Variants in DCC observed in about 807,000 individuals in gnomAD.
DCC encodes the protein DCC netrin 1 receptor, also known as netrin receptor DCC.
In DCC, 58 loss-of-function variants were observed where a neutral mutation model predicts 172.5. That is an observed-to-expected ratio of 0.34 (90% confidence interval 0.27 to 0.42). DCC has a LOEUF of 0.42. DCC is among the 10% of genes least tolerant of loss of function. The probability of loss-of-function intolerance (pLI) is 1.00; values close to 1 mark genes in which losing one functional copy is unlikely to be tolerated. For missense variants in DCC, 1,740 were observed against 1,791.0 expected (o/e 0.97, Z 0.51); for synonymous variants, 709 against 644.5 (o/e 1.10, Z -1.52).
chr18:53,205,115 A>C (rs2055603762), intron 9 of DCC, 101 bp from the exon 10 acceptor site: 1 of 885,772 alleles, frequency 1.1e-6, no homozygotes, highest in Non-Finnish European at 1.9e-6. Context: ...ATACTCCTAG[A>C]ATTTTATTGA....
chr18:52,617,027 T>C (rs2034394750), intron 1 of DCC, among the ~76,000 whole-genome samples: 1 of 152,146 alleles, frequency 6.6e-6, no homozygotes, highest in African/African-American at 2.4e-5. Context: ...TTTTTCAATT[T>C]GCAAAAACTG....
At chr18:53,504,240 G>A (rs906344980) in intron 27 of DCC, among the ~76,000 whole-genome samples, 12 of 152,132 alleles carry the variant, frequency 7.9e-5, no homozygotes, top group Admixed American at 2.0e-4. Context: ...TGAGCCACTC[G>A]TAGGCTGCCA....
At chr18:53,517,026 T>C (rs2046341854) in intron 27 of DCC, among the ~76,000 whole-genome samples, 1 of 144,804 alleles carries the variant, frequency 6.9e-6, no homozygotes, top group Non-Finnish European at 1.5e-5. Context: ...TTATTCACAA[T>C]AGCAAAGACT....
intron 2 of DCC, among the ~76,000 whole-genome samples, chr18:52,890,978 G>C (rs144917869): frequency 3.0e-4 from 45 of 152,142 alleles, no homozygotes; most frequent in African/African-American, 5.8e-4. Context: ...GCAATATTTA[G>C]ACAACCTTTG....
At chr18:52,798,942 T>G (rs974801482) in intron 2 of DCC, among the ~76,000 whole-genome samples, 1 of 151,970 alleles carries the variant, frequency 6.6e-6, no homozygotes, top group East Asian at 1.9e-4. Context: ...AGAGATGAGG[T>G]TTCACTATGT....
At chr18:53,266,326 G>T (rs969378471) in intron 12 of DCC, among the ~76,000 whole-genome samples, 11 of 152,166 alleles carry the variant, frequency 7.2e-5, no homozygotes, top group Non-Finnish European at 1.5e-4. Context: ...TATTTAAAAA[G>T]ACAGCAGTTG....
chr18:52,494,264 A>ATGTGTGTGTGTG (rs10633986), intron 1 of DCC, among the ~76,000 whole-genome samples: 59 of 147,534 alleles, frequency 4.0e-4, no homozygotes, highest in Middle Eastern at 3.4e-3. Context: ...ATGGTTTGTG[A>ATGTGTGTGTGTG]TGTGTGTGTG....
chr18:53,242,886 GT>G (rs1323686198), intron 12 of DCC, among the ~76,000 whole-genome samples: 1 of 151,846 alleles, frequency 6.6e-6, no homozygotes, highest in Non-Finnish European at 1.5e-5. Context: ...GTGTGTGTGT[GT>G]GTGTGTGTGT....
chr18:52,514,954 C>T (rs1395369761), intron 1 of DCC, among the ~76,000 whole-genome samples: 2 of 152,092 alleles, frequency 1.3e-5, no homozygotes, highest in East Asian at 1.9e-4. Context: ...GAATATTCCC[C>T]AACTCATCCT....
At position 53,207,705 on chromosome 18, in the gene DCC, T is replaced by C. The variant is rs1352243889; in HGVS notation, c.1749T>C (p.Tyr583=). 1 of 1,613,816 alleles carries C rather than the reference T, an allele frequency of 6.2e-7. No homozygotes were observed. The highest frequency in any genetic ancestry group is 8.5e-7 in the Non-Finnish European group (1 of 1,179,790). The change falls in exon 11 of 29, where the codon TAT becomes TAC. Residue 583 remains tyrosine (Y), a synonymous_variant. Coordinates refer to ENST00000442544, the MANE Select transcript of DCC (RefSeq NM_005215.4). ...ATATAGAGGTTGATGGACTATCTTA[T>C]AAACTGGAAGGCCTGAAAAAATTCA... is the stretch of plus-strand genomic sequence containing the variant. ...EQNIEVDGLS[Y]KLEGLKKFTE... is the part of the protein sequence containing the mutation.
intron 7 of DCC, among the ~76,000 whole-genome samples, chr18:53,086,215 C>CCTTCTTCTTCTTCCGTTCTT (rs2042891986): frequency 2.1e-5 from 1 of 48,700 alleles, no homozygotes; most frequent in South Asian, 4.6e-4. Context: ...TCTTTCCTTC[C>CCTTCTTCTTCTTCCGTTCTT]CTTCTTCTTC....
intron 24 of DCC, among the ~76,000 whole-genome samples, chr18:53,461,783 A>T (rs1269704138): frequency 6.6e-6 from 1 of 152,194 alleles, no homozygotes; most frequent in Non-Finnish European, 1.5e-5. Context: ...TTGTCACTCC[A>T]GTTATTGAAG....
intron 18 of DCC, among the ~76,000 whole-genome samples, chr18:53,401,700 C>T (rs767240909): frequency 5.3e-5 from 8 of 152,208 alleles, no homozygotes; most frequent in Middle Eastern, 3.4e-3. Flanking sequence ...GAACCCAATA[C>T]GTTCTGAATC....
intron 2 of DCC, among the ~76,000 whole-genome samples, chr18:52,776,600 C>G (rs142097346): frequency 5.9e-5 from 9 of 152,152 alleles, no homozygotes; most frequent in Non-Finnish European, 1.2e-4. Flanking sequence ...AAAGGGTCTA[C>G]CAAGTGCTGA....
chr18:52,363,762 T>G (rs1483994532), intron 1 of DCC, among the ~76,000 whole-genome samples: 1 of 152,218 alleles, frequency 6.6e-6, no homozygotes, highest in Non-Finnish European at 1.5e-5. Context: ...TTGGTAAATA[T>G]TTGCTATCCA....
At chr18:53,326,267 G>A (rs1002719662) in intron 14 of DCC, among the ~76,000 whole-genome samples, 2 of 152,136 alleles carry the variant, frequency 1.3e-5, no homozygotes, top group Admixed American at 6.6e-5. Context: ...GCTGTTACAC[G>A]TTATGATTTG....
intron 1 of DCC, among the ~76,000 whole-genome samples, chr18:52,737,782 C>T (rs554828810): frequency 2.0e-5 from 3 of 152,216 alleles, no homozygotes; most frequent in Admixed American, 6.5e-5. Context: ...TGAATGAATA[C>T]GATGAAGAAC....
At chr18:53,180,857 C>G (rs1343592209) in intron 9 of DCC, among the ~76,000 whole-genome samples, 1 of 152,120 alleles carries the variant, frequency 6.6e-6, no homozygotes, top group African/African-American at 2.4e-5. Context: ...AAGTGATCCC[C>G]CTGCCTCGGC....
At chr18:52,543,797 T>C (rs1144044) in intron 1 of DCC, among the ~76,000 whole-genome samples, 140,641 of 152,200 alleles carry the variant, frequency 0.92, 65,116 homozygotes, top group East Asian at 0.99. Context: ...GATCCAGCCC[T>C]AGCCTTGCCC....
Sources: gnomAD v4.1 joint callset for allele counts (sites outside exome capture counted in the v4.1 genomes callset) on GRCh38, gnomAD v4.1.1 for gene constraint, MANE v1.5 for transcripts, NCBI Gene and HGNC (gene_info 2026-07-23, HGNC 2026-07-21) for gene names.